The following UNC5D variants were observed in gnomAD, a reference collection of about 807,000 sequenced individuals.
UNC5D encodes unc-5 netrin receptor D, also known as netrin receptor UNC5D.
UNC5D carries 39 observed loss-of-function variants against 105.4 expected under a neutral mutation model. The ratio of observed to expected loss-of-function variants is 0.37; its 90% CI spans 0.29 to 0.48. The LOEUF (loss-of-function observed/expected upper bound fraction) is 0.48, where lower values mean the gene tolerates loss of function less well. Ranked by LOEUF, UNC5D falls within the 20% of genes least tolerant of loss-of-function variation. UNC5D has a pLI of 0.98. For missense variants in UNC5D, 991 were observed against 1,202.4 expected, an observed-to-expected ratio of 0.82 and a Z score of 2.60; for synonymous variants, 452 against 450.4, an observed-to-expected ratio of 1.00 and a Z score of -0.04.
At chr8:35,432,182 A>G (rs1485416819) in intron 1 of UNC5D, among the ~76,000 whole-genome samples, 4 of 152,168 alleles carry the variant, frequency 2.6e-5, no homozygotes, top group Admixed American at 6.6e-5. Context: ...AAGTAATGCC[A>G]CTTACATCGT....
intron 1 of UNC5D, among the ~76,000 whole-genome samples, chr8:35,413,644 ACC>A (rs1805342672): frequency 6.6e-6 from 1 of 152,014 alleles, no homozygotes; most frequent in Non-Finnish European, 1.5e-5. Flanking sequence ...GGATCTCTCT[ACC>A]CAGGGAACTT....
intron 4 of UNC5D, among the ~76,000 whole-genome samples, chr8:35,603,499 C>G (rs1326218960): frequency 6.6e-6 from 1 of 151,996 alleles, no homozygotes; most frequent in Admixed American, 6.6e-5. Flanking sequence ...TGGTGTGGTG[C>G]TGAAAAGAAT....
At chr8:35,670,825 A>G (rs1228078697) in intron 4 of UNC5D, among the ~76,000 whole-genome samples, 3 of 152,134 alleles carry the variant, frequency 2.0e-5, no homozygotes, top group Admixed American at 6.6e-5. Context: ...ATGTATACCT[A>G]TGTGACAAAG....
intron 1 of UNC5D, among the ~76,000 whole-genome samples, chr8:35,341,295 G>C (rs549417823): frequency 6.6e-6 from 1 of 152,082 alleles, no homozygotes; most frequent in African/African-American, 2.4e-5. Flanking sequence ...GGAAAAAAAG[G>C]CATGACCTAC....
At chr8:35,580,197 C>T (rs564828735) in intron 3 of UNC5D, among the ~76,000 whole-genome samples, 2 of 152,216 alleles carry the variant, frequency 1.3e-5, no homozygotes, top group Admixed American at 6.5e-5. Flanking sequence ...CATGTGTGAA[C>T]TACCTGTGGA....
chr8:35,329,723 G>C (rs995302428), intron 1 of UNC5D, among the ~76,000 whole-genome samples: 4 of 152,042 alleles, frequency 2.6e-5, no homozygotes, highest in Non-Finnish European at 5.9e-5. Flanking sequence ...ATTGCCCCAG[G>C]AGGCCCTCAA....
At chr8:35,381,195 G>A (rs1803024175) in intron 1 of UNC5D, among the ~76,000 whole-genome samples, 1 of 152,186 alleles carries the variant, frequency 6.6e-6, no homozygotes, top group African/African-American at 2.4e-5. Flanking sequence ...CAAATGAATG[G>A]AAGAGAAAAC....
chr8:35,749,155 T>G (rs1380838039), intron 12 of UNC5D, among the ~76,000 whole-genome samples: 1 of 152,204 alleles, frequency 6.6e-6, no homozygotes, highest in African/African-American at 2.4e-5. Flanking sequence ...CATTTAGGGC[T>G]TAATATTTTT....
At chr8:35,401,933 G>A (rs1172447172) in intron 1 of UNC5D, among the ~76,000 whole-genome samples, 2 of 152,186 alleles carry the variant, frequency 1.3e-5, no homozygotes, top group Non-Finnish European at 2.9e-5. Context: ...TTAGTGAGAT[G>A]TGAGAAATAT....
chr8:35,318,309 A>G (rs375729954), intron 1 of UNC5D, among the ~76,000 whole-genome samples: 193 of 152,228 alleles, frequency 1.3e-3, no homozygotes, highest in African/African-American at 4.5e-3. Context: ...ACTAGTTCTC[A>G]TTCACCCACC....
chr8:35,295,488 A>T (rs1307740167), intron 1 of UNC5D, among the ~76,000 whole-genome samples: 1 of 152,230 alleles, frequency 6.6e-6, no homozygotes, highest in Non-Finnish European at 1.5e-5. Flanking sequence ...TTCAAGGGCC[A>T]ACCATGTTTT....
Position 35,683,899 on chromosome 8 carries a change from T to C in UNC5D, c.751+172T>C, listed in dbSNP as rs547418326. The stretch of plus-strand genomic sequence containing the variant: ...CAGGCAAAAAACATCACTATTTCTA[T>C]TAATGTGTTTGCTGTTCCTTCCAAT... On this transcript the variant is annotated intron_variant, in intron 5 of 16. Coordinates refer to ENST00000404895, the MANE Select transcript of UNC5D (RefSeq NM_080872.4). Among the ~76,000 whole-genome samples, 46 of 152,344 alleles carry C rather than the reference T, an allele frequency of 3.0e-4. No homozygotes were observed. The South Asian group carries it at 9.3e-3, about 31-fold the overall frequency.
At chr8:35,588,942 T>C (rs1586193892) in intron 3 of UNC5D, among the ~76,000 whole-genome samples, 1 of 151,824 alleles carries the variant, frequency 6.6e-6, no homozygotes, top group Non-Finnish European at 1.5e-5. Flanking sequence ...ACTCAGGAGG[T>C]TGAGGCAGGA....
rs191928560 is a variant in UNC5D, at chr8:35,513,525, G to A, written c.104-35767G>A. ...ATTACAGGAGTGAGCCACCATGCCC[G>A]GCCGGGCCCTTCCTCAACAAGCTAT... On this transcript the variant is annotated intron_variant, in intron 1 of 16. Coordinates refer to ENST00000404895, the MANE Select transcript of UNC5D (RefSeq NM_080872.4). 1.3e-4 allele frequency among the ~76,000 whole-genome samples: 20 copies of A among 152,164 alleles called. No individual in the cohort carries two copies. The South Asian group carries it at 2.7e-3, about 20-fold the overall frequency.
chr8:35,415,412 G>A (rs1295986307), intron 1 of UNC5D, among the ~76,000 whole-genome samples: 2 of 152,116 alleles, frequency 1.3e-5, no homozygotes, highest in Admixed American at 6.6e-5. Context: ...AGCAATAAAT[G>A]TATGTCATAT....
chr8:35,300,357 G>T (rs1012147163), intron 1 of UNC5D, among the ~76,000 whole-genome samples: 2 of 149,238 alleles, frequency 1.3e-5, no homozygotes, highest in African/African-American at 4.9e-5. Context: ...TGAGGTAGGA[G>T]AATCACTTGA....
intron 1 of UNC5D, among the ~76,000 whole-genome samples, chr8:35,377,426 T>C (rs1378097404): frequency 2.6e-5 from 4 of 152,276 alleles, no homozygotes; most frequent in African/African-American, 7.2e-5. Context: ...CACCAGGGCA[T>C]TGAGTGCTCC....
intron 16 of UNC5D, among the ~76,000 whole-genome samples, chr8:35,786,683 G>A (rs773285391): frequency 1.6e-4 from 25 of 152,032 alleles, no homozygotes; most frequent in Non-Finnish European, 2.9e-4. Flanking sequence ...GAGTGCCTGA[G>A]GCAGGACATA....
chr8:35,405,706 T>G (rs1804763619), intron 1 of UNC5D, among the ~76,000 whole-genome samples: 1 of 152,190 alleles, frequency 6.6e-6, no homozygotes, highest in African/African-American at 2.4e-5. Context: ...TTTTACGGGC[T>G]CTGAAATCAT....
Sources: gnomAD v4.1 joint callset for allele counts (sites outside exome capture counted in the v4.1 genomes callset) on GRCh38, gnomAD v4.1.1 for gene constraint, MANE v1.5 for transcripts, NCBI Gene and HGNC (gene_info 2026-07-23, HGNC 2026-07-21) for gene names.